The following GARS1 variants were observed in gnomAD, a reference collection of about 807,000 sequenced individuals.
GARS1 encodes glycyl-tRNA synthetase 1.
In GARS1, 46 loss-of-function variants were observed where a neutral mutation model predicts 86.4. That is an observed-to-expected ratio of 0.53 (90% CI 0.42 to 0.68). The LOEUF (loss-of-function observed/expected upper bound fraction) is 0.68. Ranked by LOEUF, GARS1 falls within the 30% of genes least tolerant of loss-of-function variation. The pLI is 0.00. For synonymous variants in GARS1, 342 were observed against 329.8 expected (o/e 1.04, Z -0.40); for missense variants, 797 against 915.6 (o/e 0.87, Z 1.67).
Position 30,594,937 on chromosome 7 carries a change from C to G in GARS1, c.16C>G (p.Pro6Ala). Residue 6 changes from proline (P) to alanine (A), a missense_variant, in exon 1 of 17, where the codon CCA becomes GCA. Physicochemically the swap from Pro to Ala is conservative, Grantham distance 27. Coordinates refer to ENST00000389266, the MANE Select transcript of GARS1 (RefSeq NM_002047.4). MPSPR[P>A]VLLRGARAAL... Reference sequence around the variant, plus strand: ...CCGCAGGCTCATGCCCTCTCCGCGTCCAGTGCTGCTTAGAGGTGCTCGCGC... The same window carrying G: ...CCGCAGGCTCATGCCCTCTCCGCGTGCAGTGCTGCTTAGAGGTGCTCGCGC... The G allele has an allele frequency of 6.3e-7, 1 of 1,594,086 alleles. No individual in the cohort carries two copies. The highest frequency in any genetic ancestry group is 8.5e-7 in the Non-Finnish European group (1 of 1,177,350).
intron 5 of GARS1, 68 bp from the exon 6 acceptor site, chr7:30,603,428 G>T (rs565761615): frequency 8.1e-6 from 10 of 1,235,766 alleles, no homozygotes; most frequent in Non-Finnish European, 1.1e-5. Context: ...TAATTGTCTA[G>T]CATTGAAACT....
intron 9 of GARS1, 37 bp from the exon 10 acceptor site, chr7:30,617,077 C>G (rs751505828): frequency 6.2e-7 from 1 of 1,610,008 alleles, no homozygotes; most frequent in Non-Finnish European, 8.5e-7. Context: ...TGTGTGTTTT[C>G]TTTTCTTCCT....
intron 7 of GARS1, 26 bp downstream of exon 7, chr7:30,609,756 T>C: frequency 6.2e-7 from 1 of 1,610,418 alleles, no homozygotes; most frequent in East Asian, 2.2e-5. Flanking sequence ...TGTTTACCTG[T>C]TTATGTAATG....
chr7:30,598,707 A>G, intron 1 of GARS1, 89 bp from the exon 2 acceptor site: 1 of 1,101,552 alleles, frequency 9.1e-7, no homozygotes, highest in Non-Finnish European at 1.4e-6. Flanking sequence ...TCTTACATAG[A>G]CTTTTTAAAA....
intron 16 of GARS1, among the ~76,000 whole-genome samples, chr7:30,633,160 C>T (rs188671947): frequency 6.6e-6 from 1 of 152,174 alleles, no homozygotes; most frequent in African/African-American, 2.4e-5. Context: ...AGCTGTGTCC[C>T]CATCTGGGTG....
chr7:30,607,386 T>C (rs543792551), intron 6 of GARS1, among the ~76,000 whole-genome samples: 69 of 152,340 alleles, frequency 4.5e-4, no homozygotes, highest in African/African-American at 1.5e-3. Context: ...GATGAGTTCA[T>C]GTCCTTTGTA....
At chr7:30,594,800 T>G, upstream of GARS1, 3 of 801,780 alleles carry the variant, frequency 3.7e-6, no homozygotes, top group Non-Finnish European at 5.9e-6. Context: ...CGTCACGCGG[T>G]GGTGAATGTG....
intron 12 of GARS1, chr7:30,622,721 A>G: frequency 2.2e-6 from 1 of 458,618 alleles, no homozygotes; most frequent in South Asian, 2.1e-5. Context: ...GAAGGGTTAG[A>G]AACTACATCT....
At chr7:30,611,124 G>A (rs1791589947) in intron 7 of GARS1, among the ~76,000 whole-genome samples, 1 of 152,170 alleles carries the variant, frequency 6.6e-6, no homozygotes, top group Non-Finnish European at 1.5e-5. Flanking sequence ...ATATCTTCTA[G>A]GAAATTGAGA....
At chr7:30,633,611 A>G (rs960262163) in intron 16 of GARS1, 124 bp from the exon 17 acceptor site, 3 of 1,182,718 alleles carry the variant, frequency 2.5e-6, no homozygotes, top group Non-Finnish European at 3.7e-6. Flanking sequence ...CTAGAAGAGC[A>G]TGAACCCATG....
intron 10 of GARS1, among the ~76,000 whole-genome samples, chr7:30,617,941 T>C (rs1478560835): frequency 6.6e-6 from 1 of 152,180 alleles, no homozygotes; most frequent in Non-Finnish European, 1.5e-5. Flanking sequence ...TGAGAGTCTT[T>C]TGGCATTTCT....
intron 3 of GARS1, 140 bp from the exon 4 acceptor site, chr7:30,600,918 AG>A: frequency 1.4e-6 from 1 of 705,958 alleles, no homozygotes; most frequent in Non-Finnish European, 2.5e-6. Context: ...GCTGAAAGTA[AG>A]GTTCTTCAGT....
At chr7:30,612,296 T>G in intron 8 of GARS1, 51 bp downstream of exon 8, 1 of 1,538,816 alleles carries the variant, frequency 6.5e-7, no homozygotes, top group African/African-American at 1.4e-5. Context: ...GGCATTGCAT[T>G]GAAAATGAAA....
At chr7:30,604,062 A>G (rs1055088671) in intron 6 of GARS1, among the ~76,000 whole-genome samples, 2 of 152,186 alleles carry the variant, frequency 1.3e-5, no homozygotes, top group South Asian at 2.1e-4. Context: ...TATAATTTGT[A>G]TAATATTTAA....
At chr7:30,621,559 A>G (rs904962248) in intron 11 of GARS1, 59 bp downstream of exon 11, 21 of 1,211,626 alleles carry the variant, frequency 1.7e-5, no homozygotes, top group East Asian at 2.3e-5. Flanking sequence ...TTGCTAATGA[A>G]TAAGTCCAAG....
intron 6 of GARS1, among the ~76,000 whole-genome samples, chr7:30,608,926 CTT>C (rs1422910647): frequency 1.3e-5 from 2 of 152,136 alleles, no homozygotes; most frequent in African/African-American, 4.8e-5. Flanking sequence ...TGTTAGGAAA[CTT>C]TTAAGTTTTA....
intron 6 of GARS1, among the ~76,000 whole-genome samples, chr7:30,608,629 A>G (rs1011217088): frequency 2.0e-5 from 3 of 152,206 alleles, no homozygotes; most frequent in African/African-American, 4.8e-5. Context: ...TGGAAATACC[A>G]TTGGATTTAT....
intron 2 of GARS1, among the ~76,000 whole-genome samples, chr7:30,599,286 C>T (rs1791326784): frequency 6.6e-6 from 1 of 152,190 alleles, no homozygotes; most frequent in Admixed American, 6.5e-5. Flanking sequence ...CAATAGATCT[C>T]CCATCACCAA....
rs768571328 is a variant in GARS1 at position 30,598,882 on chromosome 7, G to C, written c.309G>C (p.Arg103Ser). Reference protein sequence around the residue: ...KAVAELKARKRVLEAKELALQ... With the variant: ...KAVAELKARKSVLEAKELALQ... The stretch of plus-strand genomic sequence containing the variant: ...TGGCTGAGCTCAAAGCCCGCAAGAG[G>C]GTTCTGGAAGCAAAGGTGAGTCCTG... Residue 103 changes from arginine (R) to serine (S), a missense_variant, in exon 2 of 17, where the codon AGG (arginine) becomes AGC (serine). Around this residue, in one of 2 missense-constraint regions of GARS1, gnomAD observed 199 missense variants for 176.9 expected, o/e 1.12. Transcript: ENST00000389266. The C allele has an allele frequency of 2.5e-6, 4 of 1,613,882 alleles. No homozygotes were observed. Among genetic ancestry groups the C allele is most frequent in the Middle Eastern group, 3.3e-4 (2 of 6,062 alleles).
Sources: gnomAD v4.1 joint callset for allele counts (sites outside exome capture counted in the v4.1 genomes callset) on GRCh38, gnomAD v4.1.1 for gene constraint, gnomAD v4.1.1 regional missense constraint, MANE v1.5 for transcripts, NCBI Gene and HGNC (gene_info 2026-07-23, HGNC 2026-07-21) for gene names.